The following ZNF385B variants were observed in gnomAD, a reference collection of about 807,000 sequenced individuals.
The protein encoded by ZNF385B is zinc finger protein 385B.
Under a neutral mutation model 39.2 loss-of-function variants are expected in ZNF385B, and 23 were observed. That is an observed-to-expected ratio of 0.59 (90% confidence interval 0.42 to 0.83). ZNF385B has a LOEUF of 0.83. Among genes scored for constraint, ZNF385B ranks in the 40% least tolerant of loss-of-function variants. ZNF385B has a pLI of 0.00. For synonymous variants in ZNF385B, 205 were observed against 222.6 expected (o/e 0.92, Z 0.70); for missense variants, 552 against 598.9 (o/e 0.92, Z 0.82).
chr2:179,796,223 T>C (rs551896830), intron 1 of ZNF385B: 3 of 152,324 alleles, frequency 2.0e-5, no homozygotes, highest in South Asian at 2.1e-4. Flanking sequence ...GGATGACTTA[T>C]GCAAAATGTT....
rs1274410596 is a variant in ZNF385B at position 179,443,436 on chromosome 2, C to T, written c.1275G>A (p.Lys425=). Residue 425 remains lysine (K), a synonymous_variant, in exon 10 of 10, where the codon AAG becomes AAA. Coordinates refer to ENST00000410066, the MANE Select transcript of ZNF385B (RefSeq NM_152520.6). ...AKLAFQKDMM[K]PLAPAFLSSP... ...AGGACAGGAAGGCTGGGGCCAAAGGCTTCATCATATCTTTCTGGAATGCAA... is the reference window on the plus strand; with the variant it reads ...AGGACAGGAAGGCTGGGGCCAAAGGTTTCATCATATCTTTCTGGAATGCAA... The T allele has an allele frequency of 1.2e-6, 2 of 1,607,792 alleles. No individual in the cohort carries two copies. The highest frequency in any genetic ancestry group is 3.4e-5 in the Admixed American group (2 of 58,984).
intron 3 of ZNF385B, among the ~76,000 whole-genome samples, chr2:179,549,451 G>T (rs56201866): frequency 0.28 from 41,475 of 148,556 alleles, 7,924 homozygotes; most frequent in Middle Eastern, 0.41. Context: ...TATCAGTGTA[G>T]GAGGGTTCCA....
chr2:179,645,688 C>A (rs1269439911), intron 3 of ZNF385B, among the ~76,000 whole-genome samples: 2 of 152,248 alleles, frequency 1.3e-5, no homozygotes, highest in Admixed American at 6.5e-5. Context: ...GGTCCTAGCT[C>A]ATGTACCCCT....
chr2:179,464,901 T>C lies in ZNF385B; in HGVS notation c.716-18131A>G, dbSNP rs532405299. Among the ~76,000 whole-genome samples the C allele has an allele frequency of 1.6e-3, 248 of 152,228 alleles. 2 individuals are homozygous for C. The highest frequency in any genetic ancestry group is 2.5e-3 in the Non-Finnish European group (167 of 68,002). The stretch of plus-strand genomic sequence containing the variant: ...CTTTACACTTGATTCTTTTTTTCTG[T>C]CTACAAATGCTGAAATCTCCATGTT... On this transcript the variant is annotated intron_variant, in intron 6 of 9. Coordinates refer to ENST00000410066, the MANE Select transcript of ZNF385B (RefSeq NM_152520.6).
At chr2:179,523,079 A>G (rs1405321828) in intron 4 of ZNF385B, among the ~76,000 whole-genome samples, 2 of 152,190 alleles carry the variant, frequency 1.3e-5, no homozygotes, top group Non-Finnish European at 2.9e-5. Context: ...CACTTTTTCT[A>G]ATGAAAATCA....
intron 3 of ZNF385B, among the ~76,000 whole-genome samples, chr2:179,728,220 A>T (rs1007815256): frequency 6.6e-6 from 1 of 152,158 alleles, no homozygotes; most frequent in African/African-American, 2.4e-5. Flanking sequence ...AATTCTGGAG[A>T]AAATAAAAAA....
chr2:179,577,716 T>C lies in ZNF385B; in HGVS notation c.299-32747A>G, dbSNP rs542918352. Among the ~76,000 whole-genome samples, 5 of 152,146 alleles carry C rather than the reference T, an allele frequency of 3.3e-5. No homozygotes were observed. In the East Asian group the frequency reaches 9.7e-4, roughly 29 times the overall value. The stretch of plus-strand genomic sequence containing the variant: ...GATAATTATGTGTCAGTATTCCTAA[T>C]AAATTACTAATATGAATACTAGTTA... On this transcript the variant is annotated intron_variant, in intron 3 of 9. Transcript: ENST00000410066.
intron 3 of ZNF385B, among the ~76,000 whole-genome samples, chr2:179,633,620 G>C (rs1304798413): frequency 1.3e-5 from 2 of 152,170 alleles, no homozygotes; most frequent in African/African-American, 2.4e-5. Flanking sequence ...AAACCAGGAA[G>C]TATTCCCTTT....
intron 1 of ZNF385B, among the ~76,000 whole-genome samples, chr2:179,818,677 C>G (rs995273833): frequency 3.3e-5 from 5 of 152,104 alleles, no homozygotes; most frequent in Non-Finnish European, 7.4e-5. Context: ...TTTTTTGATT[C>G]CCACAACACA....
At chr2:179,563,634 A>G (rs1158767070) in intron 3 of ZNF385B, among the ~76,000 whole-genome samples, 1 of 152,210 alleles carries the variant, frequency 6.6e-6, no homozygotes, top group Non-Finnish European at 1.5e-5. Context: ...GCTCTTAGAA[A>G]TGGTACATTT....
intron 1 of ZNF385B, among the ~76,000 whole-genome samples, chr2:179,819,469 C>A (rs1359736255): frequency 6.6e-6 from 1 of 152,190 alleles, no homozygotes; most frequent in Non-Finnish European, 1.5e-5. Context: ...AGTGGACCTG[C>A]CACTGTGCTT....
intron 1 of ZNF385B, among the ~76,000 whole-genome samples, chr2:179,847,604 A>G (rs578219299): frequency 4.7e-4 from 72 of 152,286 alleles, no homozygotes; most frequent in African/African-American, 1.7e-3. Flanking sequence ...TCTTTTCCTA[A>G]GTTCCTTGCA....
At chr2:179,656,051 T>C (rs1250972113) in intron 3 of ZNF385B, among the ~76,000 whole-genome samples, 1 of 152,174 alleles carries the variant, frequency 6.6e-6, no homozygotes, top group Non-Finnish European at 1.5e-5. Flanking sequence ...TTTAAAGAAA[T>C]ATTAGAAGTT....
chr2:179,821,369 C>A (rs1175616925), intron 1 of ZNF385B, among the ~76,000 whole-genome samples: 1 of 152,072 alleles, frequency 6.6e-6, no homozygotes, highest in Non-Finnish European at 1.5e-5. Context: ...CAGTTGGATT[C>A]CCTCCAACAA....
At chr2:179,713,957 C>T (rs1700162867) in intron 3 of ZNF385B, among the ~76,000 whole-genome samples, 1 of 152,122 alleles carries the variant, frequency 6.6e-6, no homozygotes, top group Admixed American at 6.5e-5. Context: ...GAATAGATAT[C>T]ATAAAATAAT....
intron 3 of ZNF385B, among the ~76,000 whole-genome samples, chr2:179,746,973 T>C (rs868766218): frequency 7.2e-5 from 11 of 152,146 alleles, no homozygotes; most frequent in Non-Finnish European, 1.3e-4. Context: ...GGAGGCAACA[T>C]TGACAACACA....
At chr2:179,705,922 G>T (rs1699559402) in intron 3 of ZNF385B, among the ~76,000 whole-genome samples, 1 of 152,174 alleles carries the variant, frequency 6.6e-6, no homozygotes, top group South Asian at 2.1e-4. Context: ...AACAGATCAT[G>T]TTCTTCCCTC....
chr2:179,806,525 C>A (rs898138940), intron 1 of ZNF385B, among the ~76,000 whole-genome samples: 2 of 152,158 alleles, frequency 1.3e-5, no homozygotes, highest in Non-Finnish European at 2.9e-5. Flanking sequence ...GAGCCGTTAA[C>A]CTTTCAATAA....
chr2:179,541,831 G>A (rs376533099), intron 4 of ZNF385B, among the ~76,000 whole-genome samples: 2 of 152,236 alleles, frequency 1.3e-5, no homozygotes, highest in Non-Finnish European at 2.9e-5. Flanking sequence ...ATTTCTGATT[G>A]AGCTTTGTTC....
Sources: gnomAD v4.1 joint callset for allele counts (sites outside exome capture counted in the v4.1 genomes callset) on GRCh38, gnomAD v4.1.1 for gene constraint, MANE v1.5 for transcripts, NCBI Gene and HGNC (gene_info 2026-07-23, HGNC 2026-07-21) for gene names.